Variants in LRRTM4 observed in about 807,000 individuals in gnomAD.
LRRTM4 encodes the protein leucine rich repeat transmembrane neuronal 4.
In LRRTM4, 25 loss-of-function variants were observed where a neutral mutation model predicts 47.6. That is an observed-to-expected ratio of 0.53 (90% confidence interval 0.38 to 0.73). The LOEUF (loss-of-function observed/expected upper bound fraction) is 0.73. Among genes scored for constraint, LRRTM4 ranks in the 30% least tolerant of loss-of-function variants. The pLI is 0.00. For missense variants in LRRTM4, 638 were observed against 713.4 expected, an observed-to-expected ratio of 0.89 and a Z score of 1.20; for synonymous variants, 311 against 269.5, an observed-to-expected ratio of 1.15 and a Z score of -1.51.
In LRRTM4 at chr2:76,981,807, A is replaced by T. The variant is rs568864481; in HGVS notation, c.1552-232891T>A. Among the ~76,000 whole-genome samples the T allele has an allele frequency of 2.6e-4, 40 of 151,976 alleles. 2 individuals are homozygous for T. In the South Asian group the frequency reaches 8.3e-3, roughly 32 times the overall value. On this transcript the variant is annotated intron_variant, in intron 3 of 3. Transcript: ENST00000409884. The stretch of plus-strand genomic sequence containing the variant: ...GCACCAGGCCAGCATCTTTTTTTTT[A>T]AATCTATTAAGAAATAGTCTAGGCT...
chr2:76,867,761 A>G (rs1672507058), intron 3 of LRRTM4, among the ~76,000 whole-genome samples: 1 of 152,180 alleles, frequency 6.6e-6, no homozygotes, highest in Non-Finnish European at 1.5e-5. Context: ...GATGGTGTAT[A>G]GCACACTGAG....
chr2:77,105,659 TAA>T (rs953572513), intron 3 of LRRTM4, among the ~76,000 whole-genome samples: 4 of 151,474 alleles, frequency 2.6e-5, no homozygotes, highest in African/African-American at 9.7e-5. Flanking sequence ...TAAAGTATAA[TAA>T]AAAAAAGAGT....
intron 3 of LRRTM4, among the ~76,000 whole-genome samples, chr2:77,030,706 A>T (rs933127655): frequency 3.9e-5 from 6 of 152,214 alleles, no homozygotes; most frequent in African/African-American, 1.4e-4. Context: ...GATGAGTCAA[A>T]TACCACCAGA....
At chr2:77,039,277 T>C (rs1678946484) in intron 3 of LRRTM4, among the ~76,000 whole-genome samples, 1 of 150,772 alleles carries the variant, frequency 6.6e-6, no homozygotes. Flanking sequence ...CGGGGACATA[T>C]GGTGAAATGA....
At chr2:77,268,744 A>C (rs1178508326) in intron 3 of LRRTM4, among the ~76,000 whole-genome samples, 1 of 152,162 alleles carries the variant, frequency 6.6e-6, no homozygotes, top group Non-Finnish European at 1.5e-5. Context: ...TCTTCTCCCT[A>C]CCTTTCTGTA....
chr2:77,366,070 G>T (rs1672440922), intron 3 of LRRTM4, among the ~76,000 whole-genome samples: 1 of 151,470 alleles, frequency 6.6e-6, no homozygotes. Flanking sequence ...GTTAAGTCTA[G>T]CATATAAACA....
chr2:76,900,290 C>T (rs533405133), intron 3 of LRRTM4, among the ~76,000 whole-genome samples: 10 of 151,760 alleles, frequency 6.6e-5, no homozygotes, highest in East Asian at 5.9e-4. Flanking sequence ...TACTAGTAGA[C>T]GTATAGAGTG....
At chr2:77,082,426 TATTA>T (rs142719602) in intron 3 of LRRTM4, among the ~76,000 whole-genome samples, 2,322 of 152,186 alleles carry the variant, frequency 0.015, 49 homozygotes, top group African/African-American at 0.052. Context: ...TAGAAACAAA[TATTA>T]ATTTTAAATA....
At chr2:77,502,604 T>C (rs2104080001) in intron 3 of LRRTM4, among the ~76,000 whole-genome samples, 1 of 151,778 alleles carries the variant, frequency 6.6e-6, no homozygotes, top group South Asian at 2.1e-4. Context: ...GAGCTTTTAT[T>C]GTATACAAGA....
chr2:77,399,874 G>A (rs1558725185), intron 3 of LRRTM4, among the ~76,000 whole-genome samples: 1 of 151,772 alleles, frequency 6.6e-6, no homozygotes, highest in Admixed American at 6.6e-5. Context: ...TCCTCACTTC[G>A]TTCACTTAGA....
At chr2:77,148,849 A>T (rs1672342459) in intron 3 of LRRTM4, among the ~76,000 whole-genome samples, 1 of 152,160 alleles carries the variant, frequency 6.6e-6, no homozygotes, top group Non-Finnish European at 1.5e-5. Context: ...TCGCAGCAGA[A>T]ATCCTTAAAA....
intron 3 of LRRTM4, among the ~76,000 whole-genome samples, chr2:76,759,996 G>A (rs1158788822): frequency 4.6e-5 from 7 of 152,062 alleles, no homozygotes; most frequent in Non-Finnish European, 1.5e-5. Context: ...GCTTCACGAT[G>A]TCAGAAAACT....
chr2:77,171,531 C>A (rs923862938), intron 3 of LRRTM4, among the ~76,000 whole-genome samples: 26 of 152,158 alleles, frequency 1.7e-4, no homozygotes, highest in East Asian at 5.8e-4. Flanking sequence ...CCCGCCTCGG[C>A]CTCCCAAAGA....
At chr2:76,870,878 C>A (rs576924660) in intron 3 of LRRTM4, among the ~76,000 whole-genome samples, 10 of 152,198 alleles carry the variant, frequency 6.6e-5, no homozygotes, top group Admixed American at 5.2e-4. Context: ...ATTAGAAAAA[C>A]ACACACAGAA....
intron 3 of LRRTM4, among the ~76,000 whole-genome samples, chr2:77,308,880 C>T (rs922853359): frequency 1.1e-4 from 17 of 151,964 alleles, no homozygotes; most frequent in Non-Finnish European, 2.2e-4. Context: ...TAAGCAAACT[C>T]CACGTCTCTG....
chr2:77,171,145 A>T (rs1573035170), intron 3 of LRRTM4, among the ~76,000 whole-genome samples: 1 of 152,154 alleles, frequency 6.6e-6, no homozygotes, highest in East Asian at 1.9e-4. Flanking sequence ...TTTGGGAGAT[A>T]ATTTTTGTGC....
At chr2:76,775,649 A>G (rs191151588) in intron 3 of LRRTM4, among the ~76,000 whole-genome samples, 8 of 152,314 alleles carry the variant, frequency 5.3e-5, no homozygotes, top group Admixed American at 3.9e-4. Context: ...AGCTTTATAG[A>G]TAAGTGCAGT....
At chr2:77,046,864 A>G (rs754838574) in intron 3 of LRRTM4, among the ~76,000 whole-genome samples, 4 of 152,032 alleles carry the variant, frequency 2.6e-5, no homozygotes, top group Non-Finnish European at 5.9e-5. Flanking sequence ...TGCATTTATC[A>G]TCAAAGCAAA....
In LRRTM4 at chr2:77,002,745, C is replaced by G. The variant is rs571968649; in HGVS notation, c.1552-253829G>C. ...TGCTCTCACCTCCTCCCAAGATTGT[C>G]TTTTTCTCATCATTTAGGTCTCTGC... On this transcript the variant is annotated intron_variant, in intron 3 of 3. Coordinates refer to ENST00000409884, the MANE Select transcript of LRRTM4 (RefSeq NM_001134745.3). 4.6e-5 allele frequency among the ~76,000 whole-genome samples: 7 copies of G among 152,150 alleles called. No homozygotes were observed. The South Asian group carries it at 1.2e-3, about 27-fold the overall frequency.
Sources: allele counts gnomAD v4.1 joint callset (sites outside exome capture counted in the v4.1 genomes callset), GRCh38; gene constraint gnomAD v4.1.1; transcripts MANE v1.5; gene names NCBI Gene and HGNC (gene_info 2026-07-23, HGNC 2026-07-21).